CCSER1: variants seen among roughly 807,000 people sequenced by gnomAD.
CCSER1 encodes the protein serine-rich coiled-coil domain-containing protein 1.
CCSER1 carries 41 observed loss-of-function variants against 82.0 expected under a neutral mutation model. The observed-to-expected ratio is 0.50, with a 90% CI of 0.39 to 0.65. CCSER1 has a LOEUF of 0.65. Ranked by LOEUF, CCSER1 falls within the 30% of genes least tolerant of loss-of-function variation. The probability of loss-of-function intolerance (pLI) is 0.00; values close to 1 mark genes in which losing one functional copy is unlikely to be tolerated. For synonymous variants in CCSER1, 414 were observed against 383.9 expected, an observed-to-expected ratio of 1.08 and a Z score of -0.92; for missense variants, 1,119 against 1,064.2, an observed-to-expected ratio of 1.05 and a Z score of -0.72.
Position 90,232,572 on chromosome 4 carries a change from T to C in CCSER1, c.-41-75672T>C, listed in dbSNP as rs572950413. ...CAGGACATAGGCATGGGCAAGGACT[T>C]CATGTCTAAAACACCAAAAGCAATG... On this transcript the variant is annotated intron_variant, in intron 1 of 10. Transcript: ENST00000509176. Among the ~76,000 whole-genome samples, 350 of 147,170 alleles carry C rather than the reference T, an allele frequency of 2.4e-3. 1 individual carries two copies. The highest frequency in any genetic ancestry group is 8.3e-3 in the African/African-American group (324 of 39,092).
At chr4:90,134,174 T>C (rs2153320129) in intron 1 of CCSER1, among the ~76,000 whole-genome samples, 1 of 152,362 alleles carries the variant, frequency 6.6e-6, no homozygotes, top group East Asian at 1.9e-4. Flanking sequence ...ACCGAGTCTC[T>C]GTTCTATGGT....
intron 8 of CCSER1, among the ~76,000 whole-genome samples, chr4:90,873,538 C>T (rs1359650794): frequency 6.6e-6 from 1 of 152,052 alleles, no homozygotes; most frequent in Non-Finnish European, 1.5e-5. Context: ...ACCTTTAAAA[C>T]TCCTTGCAGA....
rs186639485 is a variant in CCSER1 at position 90,510,189 on chromosome 4, A to G, written c.1724+41835A>G. On this transcript the variant is annotated intron_variant, in intron 5 of 10. Coordinates refer to ENST00000509176, the MANE Select transcript of CCSER1 (RefSeq NM_001145065.2). ...CCTATAATATGCAGAAAAATATTCC[A>G]TTACCAATAACGTCATGCATTTTAA... 1.2e-4 allele frequency among the ~76,000 whole-genome samples: 19 copies of G among 152,326 alleles called. 1 individual carries two copies. The highest frequency in any genetic ancestry group is 4.1e-4 in the African/African-American group (17 of 41,586).
At chr4:91,400,395 C>A (rs1752242530) in intron 10 of CCSER1, among the ~76,000 whole-genome samples, 2 of 151,534 alleles carry the variant, frequency 1.3e-5, no homozygotes, top group South Asian at 4.2e-4. Context: ...ACATAAGTAT[C>A]TTTCAAAAAG....
intron 8 of CCSER1, among the ~76,000 whole-genome samples, chr4:90,847,933 T>A (rs1163453718): frequency 6.6e-6 from 1 of 152,222 alleles, no homozygotes; most frequent in Non-Finnish European, 1.5e-5. Context: ...AAATGATATA[T>A]GTAAGCATAC....
intron 1 of CCSER1, among the ~76,000 whole-genome samples, chr4:90,279,738 T>G (rs1269440429): frequency 2.0e-5 from 3 of 152,142 alleles, no homozygotes; most frequent in African/African-American, 2.4e-5. Context: ...TTCCAATGAT[T>G]AGAATTGTAA....
chr4:90,605,648 CAG>C lies in CCSER1; in HGVS notation c.1725-22375_1725-22374del, dbSNP rs1162258994. Among the ~76,000 whole-genome samples the C allele has an allele frequency of 3.9e-5, 6 of 152,240 alleles. No individual in the cohort carries two copies. In the East Asian group the frequency reaches 9.6e-4, roughly 24 times the overall value. On this transcript the variant is annotated intron_variant, in intron 5 of 10. Transcript: ENST00000509176. ...TCCTAATGCAGAGGAGACAGGAAATCAGAAACAGCTTAAAACCCTTGGTGATG... is the reference window on the plus strand; with the variant it reads ...TCCTAATGCAGAGGAGACAGGAAATCAAACAGCTTAAAACCCTTGGTGATG...
At chr4:90,358,114 A>G (rs977313734) in intron 3 of CCSER1, among the ~76,000 whole-genome samples, 4 of 152,084 alleles carry the variant, frequency 2.6e-5, no homozygotes, top group African/African-American at 7.2e-5. Flanking sequence ...GGAAAATGAT[A>G]TTATAAAATG....
intron 1 of CCSER1, among the ~76,000 whole-genome samples, chr4:90,159,024 C>T (rs559299586): frequency 1.6e-4 from 25 of 152,140 alleles, no homozygotes; most frequent in Non-Finnish European, 2.4e-4. Context: ...ATCTTGGCTC[C>T]GACCTCCCTG....
chr4:90,561,915 T>G (rs754933646), intron 5 of CCSER1, among the ~76,000 whole-genome samples: 1 of 151,398 alleles, frequency 6.6e-6, no homozygotes, highest in Non-Finnish European at 1.5e-5. Flanking sequence ...AGGCCGGGAG[T>G]GGTAGCTCAC....
chr4:90,193,360 T>C (rs1416024329), intron 1 of CCSER1, among the ~76,000 whole-genome samples: 1 of 152,060 alleles, frequency 6.6e-6, no homozygotes, highest in Non-Finnish European at 1.5e-5. Flanking sequence ...ACTTCACATA[T>C]TATAGTACCC....
At chr4:90,253,788 A>C (rs1454734650) in intron 1 of CCSER1, among the ~76,000 whole-genome samples, 1 of 152,136 alleles carries the variant, frequency 6.6e-6, no homozygotes, top group Non-Finnish European at 1.5e-5. Context: ...TTCTCAAGAG[A>C]TGACAGTGGA....
At chr4:90,139,917 C>T (rs2153332657) in intron 1 of CCSER1, among the ~76,000 whole-genome samples, 1 of 152,152 alleles carries the variant, frequency 6.6e-6, no homozygotes, top group African/African-American at 2.4e-5. Flanking sequence ...TGAGATCATG[C>T]CACTTGCACT....
At chr4:91,221,736 G>A (rs184696094) in intron 10 of CCSER1, among the ~76,000 whole-genome samples, 72 of 152,160 alleles carry the variant, frequency 4.7e-4, no homozygotes, top group Non-Finnish European at 4.1e-4. Flanking sequence ...CAAGCATTGT[G>A]GGTATAGAGA....
intron 10 of CCSER1, among the ~76,000 whole-genome samples, chr4:91,243,659 C>A (rs1468897525): frequency 2.0e-5 from 3 of 152,152 alleles, no homozygotes; most frequent in African/African-American, 7.2e-5. Flanking sequence ...TCTAGACATT[C>A]CCTGGGTCAA....
chr4:91,027,114 G>A (rs1740553632), intron 9 of CCSER1, among the ~76,000 whole-genome samples: 1 of 152,038 alleles, frequency 6.6e-6, no homozygotes, highest in African/African-American at 2.4e-5. Context: ...CAAGATCAAA[G>A]AGGGCTGCCA....
chr4:90,858,357 C>T (rs1421741378), intron 8 of CCSER1, among the ~76,000 whole-genome samples: 1 of 151,988 alleles, frequency 6.6e-6, no homozygotes, highest in Non-Finnish European at 1.5e-5. Context: ...CATGACAGAG[C>T]GTACCAGGTT....
At chr4:90,753,738 G>C (rs1214894737) in intron 7 of CCSER1, among the ~76,000 whole-genome samples, 2 of 152,030 alleles carry the variant, frequency 1.3e-5, no homozygotes, top group Non-Finnish European at 2.9e-5. Context: ...ACACTCCAGT[G>C]CCTTCATATC....
intron 5 of CCSER1, among the ~76,000 whole-genome samples, chr4:90,517,162 A>G (rs1772406778): frequency 6.6e-6 from 1 of 152,182 alleles, no homozygotes; most frequent in Non-Finnish European, 1.5e-5. Flanking sequence ...CACGAAGCCT[A>G]TTTTATAATA....
Sources: gnomAD v4.1 joint callset for allele counts (sites outside exome capture counted in the v4.1 genomes callset) on GRCh38, gnomAD v4.1.1 for gene constraint, MANE v1.5 for transcripts, NCBI Gene and HGNC (gene_info 2026-07-23, HGNC 2026-07-21) for gene names.